Variants in MACROD2 observed in about 807,000 individuals in gnomAD.
The protein encoded by MACROD2 is ADP-ribose glycohydrolase MACROD2.
In MACROD2, 36 loss-of-function variants were observed where a neutral mutation model predicts 70.4. The observed-to-expected ratio is 0.51, with a 90% CI of 0.39 to 0.68. MACROD2 has a LOEUF of 0.68. Among genes scored for constraint, MACROD2 ranks in the 30% least tolerant of loss-of-function variants. MACROD2 has a pLI of 0.00. For missense variants in MACROD2, 496 were observed against 538.4 expected (o/e 0.92, Z 0.78); for synonymous variants, 172 against 178.8 (o/e 0.96, Z 0.30).
At chr20:14,976,022 A>G (rs936263063) in intron 5 of MACROD2, among the ~76,000 whole-genome samples, 4 of 152,186 alleles carry the variant, frequency 2.6e-5, no homozygotes, top group Non-Finnish European at 5.9e-5. Context: ...AGGCCAGCAT[A>G]GAGGATATTC....
intron 8 of MACROD2, among the ~76,000 whole-genome samples, chr20:15,730,210 C>T (rs1265746192): frequency 6.6e-6 from 1 of 152,186 alleles, no homozygotes; most frequent in African/African-American, 2.4e-5. Context: ...AGGGTTAATA[C>T]TGATATGTAC....
chr20:15,420,824 G>T (rs1452057095), intron 6 of MACROD2, among the ~76,000 whole-genome samples: 1 of 152,086 alleles, frequency 6.6e-6, no homozygotes, highest in Non-Finnish European at 1.5e-5. Flanking sequence ...GGGAGTTCTT[G>T]CCTGGAATCC....
chr20:14,156,109 C>CTG (rs2055098554), intron 3 of MACROD2, among the ~76,000 whole-genome samples: 1 of 152,154 alleles, frequency 6.6e-6, no homozygotes. Flanking sequence ...CTGCAGTGAT[C>CTG]TGTGTTCATG....
intron 3 of MACROD2, among the ~76,000 whole-genome samples, chr20:14,380,872 T>C (rs1275270116): frequency 6.6e-6 from 1 of 152,144 alleles, no homozygotes; most frequent in African/African-American, 2.4e-5. Context: ...TTCAAAACTG[T>C]TTTTCCTATT....
At chr20:15,921,883 GACTT>G (rs1299154804) in intron 10 of MACROD2, among the ~76,000 whole-genome samples, 3 of 152,222 alleles carry the variant, frequency 2.0e-5, no homozygotes, top group Non-Finnish European at 4.4e-5. Flanking sequence ...GGGCAGCTGA[GACTT>G]AGTCCTGCGG....
intron 5 of MACROD2, among the ~76,000 whole-genome samples, chr20:14,827,510 A>C (rs534587847): frequency 6.6e-6 from 1 of 152,196 alleles, no homozygotes; most frequent in South Asian, 2.1e-4. Context: ...TCTGAGATTT[A>C]AGCATTACTT....
intron 7 of MACROD2, among the ~76,000 whole-genome samples, chr20:15,481,066 C>T (rs1568838359): frequency 6.6e-6 from 1 of 152,218 alleles, no homozygotes; most frequent in Non-Finnish European, 1.5e-5. Flanking sequence ...CCATAGCATT[C>T]TTCAAACATG....
chr20:15,465,268 A>G (rs1198353456), intron 7 of MACROD2, among the ~76,000 whole-genome samples: 1 of 152,228 alleles, frequency 6.6e-6, no homozygotes, highest in Admixed American at 6.5e-5. Flanking sequence ...TTTGTTTTTA[A>G]AAAGATGTAT....
chr20:14,783,453 TCTC>T (rs1287750539), intron 5 of MACROD2, among the ~76,000 whole-genome samples: 1 of 152,176 alleles, frequency 6.6e-6, no homozygotes, highest in Non-Finnish European at 1.5e-5. Flanking sequence ...CATAACTTAT[TCTC>T]CTCATAATTT....
chr20:15,097,481 C>T (rs1408918018), intron 5 of MACROD2, among the ~76,000 whole-genome samples: 1 of 152,068 alleles, frequency 6.6e-6, no homozygotes, highest in African/African-American at 2.4e-5. Context: ...TAACAGATGT[C>T]TTTCAGATGT....
At chr20:14,364,830 A>G (rs1411902156) in intron 3 of MACROD2, among the ~76,000 whole-genome samples, 1 of 152,144 alleles carries the variant, frequency 6.6e-6, no homozygotes, top group Non-Finnish European at 1.5e-5. Context: ...TTGTGTGTCC[A>G]TGTCAAAATT....
intron 8 of MACROD2, among the ~76,000 whole-genome samples, chr20:15,593,664 G>C (rs74663978): frequency 6.6e-6 from 1 of 152,182 alleles, no homozygotes; most frequent in Non-Finnish European, 1.5e-5. Flanking sequence ...TCTTCAAGAG[G>C]TGGTCTATTT....
rs540749514 is a variant in MACROD2, at chr20:15,302,361, T to TAC, written c.540+72320_540+72321dup. ...GTAATGTGACCCTGGGCAGATAAAA[T>TAC]ACACACACACACACACACACATACA... On this transcript the variant is annotated intron_variant, in intron 6 of 17. Coordinates refer to ENST00000684519, the MANE Select transcript of MACROD2 (RefSeq NM_001351661.2). Among the ~76,000 whole-genome samples, 743 of 136,620 alleles carry TAC rather than the reference T, an allele frequency of 5.4e-3. 3 individuals are homozygous for TAC. The highest frequency in any genetic ancestry group is 0.015 in the African/African-American group (481 of 31,628). 89.6% of individuals were successfully genotyped at this position (136,620 alleles called of 152,430 possible).
intron 5 of MACROD2, among the ~76,000 whole-genome samples, chr20:15,143,597 T>G (rs892206134): frequency 1.4e-5 from 2 of 145,844 alleles, no homozygotes; most frequent in Non-Finnish European, 3.1e-5. Flanking sequence ...CATGCCTTCA[T>G]AGGCATTTTT....
chr20:15,611,051 G>C (rs1164197870), intron 8 of MACROD2, among the ~76,000 whole-genome samples: 1 of 119,856 alleles, frequency 8.3e-6, no homozygotes, highest in African/African-American at 3.3e-5. Context: ...TGCCCTCTCA[G>C]TCTGCCAATA....
At chr20:15,706,451 C>T (rs1200635318) in intron 8 of MACROD2, among the ~76,000 whole-genome samples, 2 of 152,318 alleles carry the variant, frequency 1.3e-5, no homozygotes, top group African/African-American at 4.8e-5. Context: ...AAATAATTCA[C>T]ACTCTCAAAA....
chr20:15,999,113 T>C (rs1175285852), intron 15 of MACROD2, among the ~76,000 whole-genome samples: 1 of 152,134 alleles, frequency 6.6e-6, no homozygotes, highest in Non-Finnish European at 1.5e-5. Context: ...TTTTTCTTAA[T>C]GTAGGCATTC....
At chr20:15,708,042 G>A (rs1316054915) in intron 8 of MACROD2, among the ~76,000 whole-genome samples, 1 of 151,886 alleles carries the variant, frequency 6.6e-6, no homozygotes, top group African/African-American at 2.4e-5. Context: ...AAATGCAGTG[G>A]TCCTGAGATG....
intron 8 of MACROD2, among the ~76,000 whole-genome samples, chr20:15,781,790 A>T (rs2147039330): frequency 6.6e-6 from 1 of 152,240 alleles, no homozygotes. Context: ...AGAGGGGATG[A>T]TACCCGAGCT....
Sources: gnomAD v4.1 joint callset for allele counts (sites outside exome capture counted in the v4.1 genomes callset) on GRCh38, gnomAD v4.1.1 for gene constraint, MANE v1.5 for transcripts, NCBI Gene and HGNC (gene_info 2026-07-23, HGNC 2026-07-21) for gene names.